The following N4BP2 variants were observed in gnomAD, a reference collection of about 807,000 sequenced individuals.
The protein encoded by N4BP2 is NEDD4 binding protein 2, also known as NEDD4-binding protein 2.
N4BP2 carries 91 observed loss-of-function variants against 152.8 expected under a neutral mutation model. The ratio of observed to expected loss-of-function variants is 0.60; its 90% CI spans 0.50 to 0.71. N4BP2 has a LOEUF of 0.71. N4BP2 is among the 30% of genes least tolerant of loss of function. The pLI, the probability that N4BP2 is intolerant of heterozygous loss-of-function variation, is 0.00. For synonymous variants in N4BP2, 646 were observed against 705.3 expected (o/e 0.92, Z 1.33); for missense variants, 1,923 against 2,059.1 (o/e 0.93, Z 1.28).
At chr4:40,111,188 T>C (rs6816051) in intron 5 of N4BP2, among the ~76,000 whole-genome samples, 2,482 of 152,336 alleles carry the variant, frequency 0.016, 70 homozygotes, top group African/African-American at 0.057. Context: ...TTATCCTTCA[T>C]GTTAACATCT....
At chr4:40,178,519 T>C in the N4BP2 span, among the ~76,000 whole-genome samples, 1 of 152,196 alleles carries the variant, frequency 6.6e-6, no homozygotes, top group Non-Finnish European at 1.5e-5. Context: ...CTAGTGGTAC[T>C]TGGGCAGCAT....
chr4:40,117,854 C>T lies in N4BP2; in HGVS notation c.1665-15C>T. 1.3e-6 allele frequency: 2 copies of T among 1,576,146 alleles called. No individual in the cohort carries two copies. The highest frequency in any genetic ancestry group is 1.4e-5 in the African/African-American group (1 of 72,716). On this transcript the variant is annotated splice_polypyrimidine_tract_variant and intron_variant, in intron 7 of 17. Coordinates refer to ENST00000261435, the MANE Select transcript of N4BP2 (RefSeq NM_018177.6). Reference sequence around the variant, plus strand: ...TCAATATTCCTTCAACCCTTTTTTCCCCTGGAATTTTCAGGCGTAACATTC... The same window carrying T: ...TCAATATTCCTTCAACCCTTTTTTCTCCTGGAATTTTCAGGCGTAACATTC...
At position 40,142,842 on chromosome 4, in the gene N4BP2, C is replaced by G; in HGVS notation, c.4955C>G (p.Ala1652Gly). ...EAYRIGKKNV[A>G]TFYAQQGTLH... ...TATCGGATAGGGAAAAAAAATGTCG[C>G]CACCTTTTATGCCCAGCAGGTAAAG... The change falls in exon 15 of 18, where the codon GCC becomes GGC. Residue 1652 changes from alanine (A) to glycine (G), a missense_variant. By Grantham distance (60) the Ala-to-Gly change is moderately conservative (BLOSUM62 0). Coordinates refer to ENST00000261435, the MANE Select transcript of N4BP2 (RefSeq NM_018177.6). 1 of 1,613,616 alleles carries G rather than the reference C, an allele frequency of 6.2e-7. No homozygotes were observed. The highest frequency in any genetic ancestry group is 8.5e-7 in the Non-Finnish European group (1 of 1,179,874).
chr4:40,109,475 T>C (rs960447104), intron 5 of N4BP2, among the ~76,000 whole-genome samples: 6 of 152,142 alleles, frequency 3.9e-5, no homozygotes, highest in African/African-American at 1.4e-4. Context: ...TCCAGCACTT[T>C]GGGAGGCTTA....
intron 3 of N4BP2, among the ~76,000 whole-genome samples, chr4:40,100,458 T>C (rs1715537266): frequency 6.6e-6 from 1 of 151,874 alleles, no homozygotes; most frequent in South Asian, 2.1e-4. Flanking sequence ...AGAGGCTCAC[T>C]GTAGCCTCGA....
At chr4:40,137,915 C>G (rs1291952025) in intron 14 of N4BP2, among the ~76,000 whole-genome samples, 1 of 152,130 alleles carries the variant, frequency 6.6e-6, no homozygotes, top group Non-Finnish European at 1.5e-5. Flanking sequence ...AGTGGGAGAA[C>G]TCCATTAAAG....
chr4:40,172,398 C>A, the N4BP2 span, among the ~76,000 whole-genome samples: 3 of 152,170 alleles, frequency 2.0e-5, no homozygotes, highest in African/African-American at 7.2e-5. Flanking sequence ...CACTTTGCAT[C>A]CTTCAATCCA....
the N4BP2 span, among the ~76,000 whole-genome samples, chr4:40,177,352 A>G: frequency 1.3e-5 from 2 of 152,162 alleles, no homozygotes; most frequent in Non-Finnish European, 2.9e-5. Context: ...ACGGTGGTTC[A>G]CGCCTGTAAT....
In N4BP2 at chr4:40,156,352, G is replaced by A. The variant is rs929331400; in HGVS notation, c.*2115G>A. On this transcript the variant is annotated 3_prime_UTR_variant, in exon 18 of 18. Transcript: ENST00000261435. ...CGTGGGCAGAAGTCAAATGAAAAAAGCTATATTGTTTACTTGTTTACTATA... is the reference window on the plus strand; with the variant it reads ...CGTGGGCAGAAGTCAAATGAAAAAAACTATATTGTTTACTTGTTTACTATA... The A allele has an allele frequency of 3.9e-5, 6 of 152,044 alleles. No homozygotes were observed. Among genetic ancestry groups the A allele is most frequent in the Non-Finnish European group, 7.4e-5 (5 of 67,968 alleles). The allele number at this position is 152,044 out of a possible 1,614,324, so 9.4% of individuals were successfully genotyped here. A position where few individuals can be genotyped will look rare whatever the true frequency, so the allele number is the denominator to read the frequency against.
At chr4:40,166,196 T>C in the N4BP2 span, among the ~76,000 whole-genome samples, 7 of 152,294 alleles carry the variant, frequency 4.6e-5, no homozygotes, top group Admixed American at 4.6e-4. Flanking sequence ...GGAAGGAAGC[T>C]ACAAATACCC....
At position 40,155,433 on chromosome 4, in the gene N4BP2, G is replaced by A. The variant is rs1470754416; in HGVS notation, c.*1196G>A. 1 of 151,850 alleles carries A rather than the reference G, an allele frequency of 6.6e-6. No individual in the cohort carries two copies. Among genetic ancestry groups the A allele is most frequent in the African/African-American group, 2.4e-5 (1 of 41,360 alleles). 9.4% of individuals were successfully genotyped at this position (151,850 alleles called of 1,614,324 possible). On this transcript the variant is annotated 3_prime_UTR_variant, in exon 18 of 18. Coordinates refer to ENST00000261435, the MANE Select transcript of N4BP2 (RefSeq NM_018177.6). ...AAGAAAAAAAAGAGAAAATATTTTG[G>A]TTATAATCATAAGAAGAATCCTTAC...
chr4:40,103,595 T>C (rs1656699040), intron 4 of N4BP2, among the ~76,000 whole-genome samples: 2 of 152,190 alleles, frequency 1.3e-5, no homozygotes, highest in Admixed American at 1.3e-4. Context: ...AATACATTAA[T>C]TTTACTGGTA....
intron 16 of N4BP2, among the ~76,000 whole-genome samples, chr4:40,148,131 A>T (rs563450389): frequency 1.3e-3 from 200 of 152,274 alleles, no homozygotes; most frequent in Admixed American, 2.7e-3. Context: ...GCGAGCCGAG[A>T]TCACGCCACT....
chr4:40,099,392 G>A (rs1407346191), intron 3 of N4BP2, among the ~76,000 whole-genome samples: 1 of 151,978 alleles, frequency 6.6e-6, no homozygotes, highest in Admixed American at 6.6e-5. Context: ...ACAGGCGTCC[G>A]CCACTGTGCC....
chr4:40,108,877 C>T (rs954297222), intron 5 of N4BP2, among the ~76,000 whole-genome samples: 12 of 149,894 alleles, frequency 8.0e-5, no homozygotes, highest in Admixed American at 2.0e-4. Flanking sequence ...AGTGCGGTGG[C>T]GTGATCTTGG....
At chr4:40,159,321 A>G (rs941098622), downstream of N4BP2, among the ~76,000 whole-genome samples, 3 of 152,242 alleles carry the variant, frequency 2.0e-5, no homozygotes, top group African/African-American at 7.2e-5. Context: ...GAAAGCTGGT[A>G]CTTTGGAAAA....
intron 12 of N4BP2, among the ~76,000 whole-genome samples, chr4:40,130,689 G>A (rs956232153): frequency 7.9e-5 from 12 of 152,116 alleles, no homozygotes; most frequent in African/African-American, 2.9e-4. Context: ...TTTATGTAGA[G>A]ATAGGGTCTT....
the N4BP2 span, among the ~76,000 whole-genome samples, chr4:40,174,449 A>G: frequency 1.3e-5 from 2 of 152,160 alleles, no homozygotes; most frequent in Non-Finnish European, 2.9e-5. Context: ...TGTTCATTGC[A>G]GCATTACTTA....
intron 16 of N4BP2, among the ~76,000 whole-genome samples, chr4:40,150,277 T>C (rs1418548770): frequency 2.0e-5 from 3 of 152,186 alleles, no homozygotes; most frequent in Non-Finnish European, 4.4e-5. Context: ...AGATCAAACC[T>C]TTAGAACTGA....
Sources: allele counts gnomAD v4.1 joint callset (sites outside exome capture counted in the v4.1 genomes callset), GRCh38; gene constraint gnomAD v4.1.1; transcripts MANE v1.5; gene names NCBI Gene and HGNC (gene_info 2026-07-23, HGNC 2026-07-21).